The following ALPI variants were observed in gnomAD, a reference collection of about 807,000 sequenced individuals.
The protein encoded by ALPI is intestinal-type alkaline phosphatase.
A neutral mutation model predicts 51.5 loss-of-function variants in ALPI; 50 were observed. The observed-to-expected ratio is 0.97, with a 90% CI of 0.77 to 1.23. The LOEUF (loss-of-function observed/expected upper bound fraction) is 1.23. ALPI is among the 50% of genes most tolerant of loss of function. The pLI is 0.00. For missense variants in ALPI, 692 were observed against 722.4 expected, an observed-to-expected ratio of 0.96 and a Z score of 0.48; for synonymous variants, 322 against 308.2, an observed-to-expected ratio of 1.04 and a Z score of -0.47.
Position 232,456,154 on chromosome 2 carries a change from G to A in ALPI, c.-46G>A, listed in dbSNP as rs770663333. ...AACCCAGGCAGCCTGCGCTGCAGCC[G>A]GTTCCTGGTGTCCCCACTTCGCCTC... On this transcript the variant is annotated 5_prime_UTR_variant, in exon 1 of 11. Coordinates refer to ENST00000295463, the MANE Select transcript of ALPI (RefSeq NM_001631.5). This position sits in a 1 kb window ranked among gnomAD's most constrained non-coding sequence, Gnocchi z 4.2. 4.3e-5 allele frequency: 69 copies of A among 1,608,776 alleles called. No homozygotes were observed. The highest frequency in any genetic ancestry group is 1.9e-4 in the South Asian group (17 of 90,706).
rs1559265280 is a variant in ALPI, at chr2:232,459,047, G to GC, written c.1490dup (p.Pro498SerfsTer116). 3.2e-6 allele frequency: 5 copies of GC among 1,549,368 alleles called. No individual in the cohort carries two copies. Among genetic ancestry groups the GC allele is most frequent in the Non-Finnish European group, 4.4e-6 (5 of 1,147,888 alleles). On this transcript the variant is annotated frameshift_variant, in exon 11 of 11. Coordinates refer to ENST00000295463, the MANE Select transcript of ALPI (RefSeq NM_001631.5). LOFTEE classifies it low-confidence loss of function (END_TRUNC). ...AGCCCTACACGGCCTGCGACCTGGCGCCTCCCGCCTGCACCACCGACGCCG... is the reference window on the plus strand; with the variant it reads ...AGCCCTACACGGCCTGCGACCTGGCGCCCTCCCGCCTGCACCACCGACGCCG...
chr2:232,456,983 A>C lies in ALPI; in HGVS notation c.385A>C (p.Ile129Leu), dbSNP rs753704888. Residue 129 changes from isoleucine to leucine, a missense_variant, in exon 4 of 11, where the codon ATC (isoleucine) becomes CTC (leucine). Ile to Leu is a conservative substitution (Grantham distance 5, BLOSUM62 2). Coordinates refer to ENST00000295463, the MANE Select transcript of ALPI (RefSeq NM_001631.5). The surrounding 1 kb of genome is among the most constrained non-coding windows in gnomAD (Gnocchi z 4.2). ...CGGGGTCAAGGCCAACTTCCAGACCATCGGCTTGAGTGCAGCCGCCCGCTT... is the reference window on the plus strand; with the variant it reads ...CGGGGTCAAGGCCAACTTCCAGACCCTCGGCTTGAGTGCAGCCGCCCGCTT... ...LCGVKANFQT[I>L]GLSAAARFNQ... 2 of 1,613,666 alleles carry C rather than the reference A, an allele frequency of 1.2e-6. No individual in the cohort carries two copies. Among genetic ancestry groups the C allele is most frequent in the Non-Finnish European group, 1.7e-6 (2 of 1,180,036 alleles).
chr2:232,458,559 C>A, intron 9 of ALPI, 73 bp from the exon 10 acceptor site: 7 of 1,542,680 alleles, frequency 4.5e-6, no homozygotes, highest in Non-Finnish European at 5.3e-6. Context: ...CAAAAAGTGG[C>A]GGTGCCTGGC....
In ALPI at chr2:232,459,187, G is replaced by T. The variant is rs1376185382; in HGVS notation, c.*41G>T. On this transcript the variant is annotated 3_prime_UTR_variant, in exon 11 of 11. Transcript: ENST00000295463. ...GTTATCCTGCTCCCCACCTCCGGGCGTCCTGCCCTGTTCCCCGTCCTGAGC... is the reference window on the plus strand; with the variant it reads ...GTTATCCTGCTCCCCACCTCCGGGCTTCCTGCCCTGTTCCCCGTCCTGAGC... 2 of 1,506,244 alleles carry T rather than the reference G, an allele frequency of 1.3e-6. No individual in the cohort carries two copies. Among genetic ancestry groups the T allele is most frequent in the African/African-American group, 1.4e-5 (1 of 72,568 alleles). The allele number at this position is 1,506,244 out of a possible 1,614,324, so 93.3% of individuals were successfully genotyped here. A position where few individuals can be genotyped will look rare whatever the true frequency, so the allele number is the denominator to read the frequency against.
In ALPI at chr2:232,457,092, T is replaced by C. The variant is rs895533336; in HGVS notation, c.475+19T>C. 6.2e-7 allele frequency: 1 copy of C among 1,613,330 alleles called. No individual in the cohort carries two copies. The highest frequency in any genetic ancestry group is 8.5e-7 in the Non-Finnish European group (1 of 1,179,918). ...CAAGCAGGTGAGCTGGGGCCCGCTGTGGGGTCAGGACCAGGCCCAAGATCT... is the reference window on the plus strand; with the variant it reads ...CAAGCAGGTGAGCTGGGGCCCGCTGCGGGGTCAGGACCAGGCCCAAGATCT... On this transcript the variant is annotated intron_variant, in intron 4 of 10. Coordinates refer to ENST00000295463, the MANE Select transcript of ALPI (RefSeq NM_001631.5). The surrounding 1 kb of genome is among the most constrained non-coding windows in gnomAD (Gnocchi z 4.7).
In ALPI at chr2:232,458,832, C is replaced by A. The variant is rs553764942; in HGVS notation, c.1301-28C>A. On this transcript the variant is annotated intron_variant, in intron 10 of 10. Coordinates refer to ENST00000295463, the MANE Select transcript of ALPI (RefSeq NM_001631.5). Reference sequence around the variant, plus strand: ...GCGGGAGGGGGACGCCGCCTGCCTGCCCTGAAGTGCACTCACCCTCCTACC... The same window carrying A: ...GCGGGAGGGGGACGCCGCCTGCCTGACCTGAAGTGCACTCACCCTCCTACC... 7.1e-5 allele frequency: 115 copies of A among 1,609,564 alleles called. 2 individuals carry two copies. The South Asian group carries it at 1.2e-3, about 17-fold the overall frequency.
At position 232,459,032 on chromosome 2, in the gene ALPI, G is replaced by T. The variant is rs765626345; in HGVS notation, c.1473G>T (p.Thr491=). ...MAFAACLEPY[T]ACDLAPPACT... Reference sequence around the variant, plus strand: ...TCGCTGCCTGTCTGGAGCCCTACACGGCCTGCGACCTGGCGCCTCCCGCCT... The same window carrying T: ...TCGCTGCCTGTCTGGAGCCCTACACTGCCTGCGACCTGGCGCCTCCCGCCT... Residue 491 remains threonine (T), a synonymous_variant, in exon 11 of 11, where the codon ACG becomes ACT. Transcript: ENST00000295463. The T allele has an allele frequency of 1.3e-6, 2 of 1,555,944 alleles. No homozygotes were observed. The highest frequency in any genetic ancestry group is 2.7e-5 in the African/African-American group (2 of 73,286).
At position 232,456,547 on chromosome 2, in the gene ALPI, G is replaced by A; in HGVS notation, c.185-33G>A. 6.2e-7 allele frequency: 1 copy of A among 1,610,664 alleles called. No homozygotes were observed. Among genetic ancestry groups the A allele is most frequent in the Non-Finnish European group, 8.5e-7 (1 of 1,178,390 alleles). On this transcript the variant is annotated intron_variant, in intron 2 of 10. Coordinates refer to ENST00000295463, the MANE Select transcript of ALPI (RefSeq NM_001631.5). This position sits in a 1 kb window ranked among gnomAD's most constrained non-coding sequence, Gnocchi z 4.2. ...CTTCAGTGGTTCCAGGACAACCCTG[G>A]GGCCCAGGACTCACACATTTCTGCT... is the stretch of plus-strand genomic sequence containing the variant.
chr2:232,460,618 G>T lies in ALPI; in HGVS notation c.*1472G>T, dbSNP rs1690292423. Among the ~76,000 whole-genome samples, 1 of 152,168 alleles carries T rather than the reference G, an allele frequency of 6.6e-6. No homozygotes were observed. Among genetic ancestry groups the T allele is most frequent in the African/African-American group, 2.4e-5 (1 of 41,426 alleles). ...TCAACCACATTTTCCAGCAAATTTT[G>T]CAGTATTACAAATTTATTTGTACAT... On this transcript the variant is annotated 3_prime_UTR_variant, in exon 11 of 11. Coordinates refer to ENST00000295463, the MANE Select transcript of ALPI (RefSeq NM_001631.5).
Position 232,458,969 on chromosome 2 carries a change from T to A in ALPI, c.1410T>A (p.Gly470=), listed in dbSNP as rs1464918213. ...ARGPQAHLVH[G]VQEQSFVAHV... ...GCCCGCAGGCGCACCTGGTGCATGG[T>A]GTGCAGGAGCAGAGCTTCGTAGCGC... is the stretch of plus-strand genomic sequence containing the variant. Residue 470 remains glycine, a synonymous_variant, in exon 11 of 11, where the codon GGT becomes GGA. Transcript: ENST00000295463. 3 of 1,593,470 alleles carry A rather than the reference T, an allele frequency of 1.9e-6. No individual in the cohort carries two copies. In the Admixed American group the frequency reaches 5.2e-5, roughly 28 times the overall value.
In ALPI at chr2:232,459,071, C is replaced by G; in HGVS notation, c.1512C>G (p.Ala504=). The part of the protein sequence containing the change: ...DLAPPACTTD[A]AHPVAASLPL... ...CGCCTCCCGCCTGCACCACCGACGCCGCGCACCCAGTTGCCGCGTCGCTGC... is the reference window on the plus strand; with the variant it reads ...CGCCTCCCGCCTGCACCACCGACGCGGCGCACCCAGTTGCCGCGTCGCTGC... The change falls in exon 11 of 11, where the codon GCC becomes GCG. Residue 504 remains alanine (A), a synonymous_variant. Transcript: ENST00000295463. 6.5e-7 allele frequency: 1 copy of G among 1,546,226 alleles called. No homozygotes were observed. Among genetic ancestry groups the G allele is most frequent in the Non-Finnish European group, 8.7e-7 (1 of 1,147,240 alleles).
rs146465687 is a variant in ALPI at position 232,457,592 on chromosome 2, A to G, written c.676A>G (p.Met226Val). 5 of 1,613,684 alleles carry G rather than the reference A, an allele frequency of 3.1e-6. No individual in the cohort carries two copies. In the African/African-American group the frequency reaches 5.3e-5, roughly 17 times the overall value. Reference sequence around the variant, plus strand: ...GATCCTTGGCGGAGGCCGCAAGTACATGTTTCCCATGGGGACCCCAGACCC... The same window carrying G: ...GATCCTTGGCGGAGGCCGCAAGTACGTGTTTCCCATGGGGACCCCAGACCC... ...DVILGGGRKY[M>V]FPMGTPDPEY... The change falls in exon 6 of 11, where the codon ATG becomes GTG. Residue 226 changes from methionine to valine, a missense_variant. Physicochemically the swap from Met to Val is conservative, Grantham distance 21. Transcript: ENST00000295463. The surrounding 1 kb of genome is among the most constrained non-coding windows in gnomAD (Gnocchi z 4.7).
rs924151706 is a variant in ALPI, at chr2:232,457,227, C to T, written c.553C>T (p.Arg185Cys). ...PAGTYAHTVN[R>C]NWYSDADMPA... ...CGGCACCTACGCACACACAGTGAAC[C>T]GCAACTGGTACTCAGATGCTGACAT... is the stretch of plus-strand genomic sequence containing the variant. Residue 185 changes from arginine to cysteine, a missense_variant, in exon 5 of 11, where the codon CGC becomes TGC. Arg to Cys is a radical substitution (Grantham distance 180). Transcript: ENST00000295463. This position sits in a 1 kb window ranked among gnomAD's most constrained non-coding sequence, Gnocchi z 4.7. 3.7e-6 allele frequency: 6 copies of T among 1,613,524 alleles called. No homozygotes were observed. The highest frequency in any genetic ancestry group is 4.2e-6 in the Non-Finnish European group (5 of 1,180,026).
In ALPI at chr2:232,459,295, G is replaced by A; in HGVS notation, c.*149G>A. On this transcript the variant is annotated 3_prime_UTR_variant, in exon 11 of 11. Coordinates refer to ENST00000295463, the MANE Select transcript of ALPI (RefSeq NM_001631.5). The stretch of plus-strand genomic sequence containing the variant: ...ATAAACCAGCCTCAGCTGGCGCAGC[G>A]GGGCCCTTCTTCCCTCCGCATCCCC... The A allele has an allele frequency of 1.7e-6, 2 of 1,147,628 alleles. No individual in the cohort carries two copies. Among genetic ancestry groups the A allele is most frequent in the South Asian group, 3.3e-5 (2 of 61,430 alleles). The allele number at this position is 1,147,628 out of a possible 1,614,324, so 71.1% of individuals were successfully genotyped here.
intron 10 of ALPI, 54 bp from the exon 11 acceptor site, chr2:232,458,806 C>A: frequency 1.2e-6 from 2 of 1,609,752 alleles, no homozygotes; most frequent in Middle Eastern, 1.7e-4. Context: ...TGGGGGCATT[C>A]GCGGGAGGGG....
chr2:232,457,267 G>T lies in ALPI; in HGVS notation c.593G>T (p.Arg198Leu), dbSNP rs150355736. The change falls in exon 5 of 11, where the codon CGC becomes CTC. Residue 198 changes from arginine (R) to leucine (L), a missense_variant. Transcript: ENST00000295463. The surrounding 1 kb of genome is among the most constrained non-coding windows in gnomAD (Gnocchi z 4.7). ...GATGCTGACATGCCTGCCTCAGCCC[G>T]CCAGGAGGGGTGCCAGGACATCGCC... is the stretch of plus-strand genomic sequence containing the variant. ...YSDADMPASA[R>L]QEGCQDIATQ... 1.9e-5 allele frequency: 31 copies of T among 1,613,188 alleles called. No individual in the cohort carries two copies. In the Admixed American group the frequency reaches 3.8e-4, roughly 20 times the overall value.
Position 232,459,125 on chromosome 2 carries a change from GGGGGCGT to G in ALPI, c.1567_1573del (p.Gly523ProfsTer26). On this transcript the variant is annotated frameshift_variant, in exon 11 of 11. Transcript: ENST00000295463. LOFTEE classifies it low-confidence loss of function (END_TRUNC). ...TGCTGGCCGGGACCCTGCTGCTGCT[GGGGGCGT>G]CCGCTGCTCCCTGAGTGCCCCACTC... 1 of 1,534,018 alleles carries G rather than the reference GGGGGCGT, an allele frequency of 6.5e-7. No individual in the cohort carries two copies. Among genetic ancestry groups the G allele is most frequent in the East Asian group, 2.4e-5 (1 of 40,858 alleles).
chr2:232,458,609 C>T (rs373014233), intron 9 of ALPI, 23 bp from the exon 10 acceptor site: 1 of 1,608,410 alleles, frequency 6.2e-7, no homozygotes, highest in African/African-American at 1.3e-5. Flanking sequence ...AGCTCAACTA[C>T]AGGGACCCGC....
chr2:232,458,863 G>A lies in ALPI; in HGVS notation c.1304G>A (p.Ser435Asn), dbSNP rs552251603. The change falls in exon 11 of 11, where the codon AGC (serine) becomes AAC (asparagine). Residue 435 changes from serine to asparagine, a missense_variant. Coordinates refer to ENST00000295463, the MANE Select transcript of ALPI (RefSeq NM_001631.5). ...AGTGCACTCACCCTCCTACCAGGGA[G>A]CCCCGATTACCAGCAGCAGGCGGCG... ...RPDVNESESG[S>N]PDYQQQAAVP... 1.9e-4 allele frequency: 302 copies of A among 1,610,162 alleles called. 1 individual carries two copies. In the South Asian group the frequency reaches 3.1e-3, roughly 16 times the overall value.
Sources: allele counts gnomAD v4.1 joint callset (sites outside exome capture counted in the v4.1 genomes callset), GRCh38; gene constraint gnomAD v4.1.1; non-coding constraint Gnocchi (gnomAD v3.1); transcripts MANE v1.5; gene names NCBI Gene and HGNC (gene_info 2026-07-23, HGNC 2026-07-21).